ATF7: variants seen among roughly 807,000 people sequenced by gnomAD.
ATF7 encodes the protein activating transcription factor 7.
A neutral mutation model predicts 50.4 loss-of-function variants in ATF7; 10 were observed. The ratio of observed to expected loss-of-function variants is 0.20; its 90% CI spans 0.12 to 0.34. The LOEUF is 0.34. Ranked by LOEUF, ATF7 falls within the 10% of genes least tolerant of loss-of-function variation. The pLI is 1.00. For synonymous variants in ATF7, 201 were observed against 226.4 expected, an observed-to-expected ratio of 0.89 and a Z score of 1.01; for missense variants, 465 against 613.9, an observed-to-expected ratio of 0.76 and a Z score of 2.56.
At chr12:53,555,918 C>T (rs902625201) in intron 2 of ATF7, among the ~76,000 whole-genome samples, 11 of 151,950 alleles carry the variant, frequency 7.2e-5, no homozygotes, top group African/African-American at 1.7e-4. Flanking sequence ...CGGGTTCAAG[C>T]GATTCTCCTG....
chr12:53,583,446 A>AT (rs1942529572), intron 2 of ATF7, among the ~76,000 whole-genome samples: 1 of 151,960 alleles, frequency 6.6e-6, no homozygotes, highest in African/African-American at 2.4e-5. Context: ...GCTCCCACTG[A>AT]TTCTACATTA....
chr12:53,617,864 G>A (rs1216259317), intron 1 of ATF7, among the ~76,000 whole-genome samples: 1 of 149,528 alleles, frequency 6.7e-6, no homozygotes, highest in East Asian at 2.0e-4. Flanking sequence ...TTGTAAACAG[G>A]CAGTCAGTCC....
In ATF7 at chr12:53,534,279, A is replaced by C. The variant is rs543613833; in HGVS notation, c.560+223T>G. ...GCGACAGAGCGAGCCTCTATCTCAA[A>C]AAAACCCAAAAAAAACAAAAAGTAT... On this transcript the variant is annotated intron_variant, in intron 6 of 11. Coordinates refer to ENST00000420353, the MANE Select transcript of ATF7 (RefSeq NM_006856.3). Among the ~76,000 whole-genome samples, 4 of 152,330 alleles carry C rather than the reference A, an allele frequency of 2.6e-5. No individual in the cohort carries two copies. The South Asian group carries it at 6.2e-4, about 24-fold the overall frequency.
At chr12:53,582,076 C>T (rs1056333927) in intron 2 of ATF7, among the ~76,000 whole-genome samples, 3 of 151,992 alleles carry the variant, frequency 2.0e-5, no homozygotes, top group Non-Finnish European at 2.9e-5. Context: ...GCACTCTAGC[C>T]TGGGCAACAA....
intron 2 of ATF7, among the ~76,000 whole-genome samples, chr12:53,568,985 C>A (rs1941605997): frequency 1.3e-5 from 2 of 151,946 alleles, no homozygotes; most frequent in African/African-American, 4.8e-5. Flanking sequence ...ATATTGAAAT[C>A]CTGTCTCTTA....
At chr12:53,562,579 G>A (rs1026256702) in intron 2 of ATF7, among the ~76,000 whole-genome samples, 3 of 151,922 alleles carry the variant, frequency 2.0e-5, no homozygotes, top group Admixed American at 1.3e-4. Flanking sequence ...GAAGGCCGGT[G>A]AGCCGAGATT....
chr12:53,567,531 G>A (rs990161048), intron 2 of ATF7, among the ~76,000 whole-genome samples: 8 of 151,942 alleles, frequency 5.3e-5, no homozygotes, highest in East Asian at 1.9e-4. Flanking sequence ...TGGGAACTAC[G>A]CTTAAGAATT....
chr12:53,523,351 G>A lies in ATF7; in HGVS notation c.1159C>T (p.Gln387Ter). The A allele has an allele frequency of 6.2e-7, 1 of 1,613,908 alleles. No individual in the cohort carries two copies. The highest frequency in any genetic ancestry group is 8.5e-7 in the Non-Finnish European group (1 of 1,179,866). The part of the protein sequence containing the change: ...EVTLLRNEVA[Q>*]LKQLLLAHKD... ...TGAGCTAACAGTAGCTGTTTCAACT[G>A]GGCCACCTCATTGCGTAGTAATGTG... is the stretch of plus-strand genomic sequence containing the variant. Residue 387 changes from glutamine to a stop codon, truncating the protein, a stop_gained, in exon 11 of 12, where the codon CAG becomes TAG. Transcript: ENST00000420353. LOFTEE classifies it high-confidence loss of function.
rs59172966 is a variant in ATF7, at chr12:53,517,875, T to A, written c.1235-521A>T. 2.0e-3 allele frequency among the ~76,000 whole-genome samples: 299 copies of A among 152,340 alleles called. 2 individuals carry two copies. The East Asian group carries it at 0.028, about 14-fold the overall frequency. The stretch of plus-strand genomic sequence containing the variant: ...ATTCCATTATTTTATTTATTTATTT[T>A]TTTTCCTAAGACTGAGTCTTGCTCT... On this transcript the variant is annotated intron_variant, in intron 11 of 11. Coordinates refer to ENST00000420353, the MANE Select transcript of ATF7 (RefSeq NM_006856.3).
rs533264677 is a variant in ATF7 at position 53,555,729 on chromosome 12, C to T, written c.49-3092G>A. Among the ~76,000 whole-genome samples, 8 of 151,968 alleles carry T rather than the reference C, an allele frequency of 5.3e-5. 1 individual carries two copies. Among genetic ancestry groups the T allele is most frequent in the South Asian group, 2.1e-4 (1 of 4,810 alleles). ...TTCTACATGTTGGTCAGGCTGGTCTCGAATTCCCGACCTCAGGTGATCCGC... is the reference window on the plus strand; with the variant it reads ...TTCTACATGTTGGTCAGGCTGGTCTTGAATTCCCGACCTCAGGTGATCCGC... On this transcript the variant is annotated intron_variant, in intron 2 of 11. Transcript: ENST00000420353.
At chr12:53,594,885 C>T (rs1943088012) in intron 2 of ATF7, among the ~76,000 whole-genome samples, 1 of 139,488 alleles carries the variant, frequency 7.2e-6, no homozygotes, top group Admixed American at 7.2e-5. Flanking sequence ...GAGACCCCAT[C>T]TCAAAAAAAA....
intron 2 of ATF7, among the ~76,000 whole-genome samples, chr12:53,581,952 G>A (rs1592925082): frequency 2.6e-5 from 4 of 151,868 alleles, no homozygotes; most frequent in Admixed American, 6.6e-5. Flanking sequence ...GCAAGACCAT[G>A]TCTCTATAAA....
At chr12:53,615,931 A>G (rs781455952) in intron 1 of ATF7, among the ~76,000 whole-genome samples, 2 of 152,198 alleles carry the variant, frequency 1.3e-5, no homozygotes, top group African/African-American at 2.4e-5. Flanking sequence ...TTCCTATTTC[A>G]AAAAGAATGG....
At chr12:53,616,934 G>A (rs577710015) in intron 1 of ATF7, among the ~76,000 whole-genome samples, 48 of 139,374 alleles carry the variant, frequency 3.4e-4, no homozygotes, top group South Asian at 6.7e-4. Flanking sequence ...AACAGAGAAC[G>A]ACTCTGTCTC....
intron 9 of ATF7, among the ~76,000 whole-genome samples, chr12:53,529,138 T>C (rs1309678516): frequency 6.6e-6 from 1 of 152,092 alleles, no homozygotes; most frequent in Non-Finnish European, 1.5e-5. Context: ...AGGACTGGCT[T>C]CAGGTACAGT....
chr12:53,571,967 C>A (rs1470704071), intron 2 of ATF7, among the ~76,000 whole-genome samples: 2 of 151,340 alleles, frequency 1.3e-5, no homozygotes, highest in African/African-American at 4.9e-5. Flanking sequence ...CTCGGCAGGC[C>A]GAGGCAGGAG....
intron 9 of ATF7, among the ~76,000 whole-genome samples, chr12:53,528,335 T>C (rs1938611321): frequency 6.6e-6 from 1 of 152,174 alleles, no homozygotes; most frequent in Non-Finnish European, 1.5e-5. Flanking sequence ...ATGTAAAGAT[T>C]AGTCCTTTAT....
At position 53,532,582 on chromosome 12, in the gene ATF7, G is replaced by GC; in HGVS notation, c.701_702insG (p.Ile234MetfsTer7). 6.2e-7 allele frequency: 1 copy of GC among 1,609,856 alleles called. No individual in the cohort carries two copies. The highest frequency in any genetic ancestry group is 8.5e-7 in the Non-Finnish European group (1 of 1,178,340). ...CACTACTGTTAACTGGTGGGCCAGG[G>GC]ATACCAGGAATGTTGGGCACCATGG... is the stretch of plus-strand genomic sequence containing the variant. On this transcript the variant is annotated frameshift_variant, in exon 8 of 12. Coordinates refer to ENST00000420353, the MANE Select transcript of ATF7 (RefSeq NM_006856.3). LOFTEE classifies it high-confidence loss of function.
chr12:53,508,968 G>A (rs986454896), downstream of ATF7, among the ~76,000 whole-genome samples: 5 of 152,186 alleles, frequency 3.3e-5, no homozygotes, highest in African/African-American at 1.2e-4. Context: ...CTAGAATCCT[G>A]TCTTAAGAAA....
Sources: gnomAD v4.1 joint callset for allele counts (sites outside exome capture counted in the v4.1 genomes callset) on GRCh38, gnomAD v4.1.1 for gene constraint, MANE v1.5 for transcripts, NCBI Gene and HGNC (gene_info 2026-07-23, HGNC 2026-07-21) for gene names.